The following CDIN1 variants were observed in gnomAD, a reference collection of about 807,000 sequenced individuals.
The protein encoded by CDIN1 is CDAN1 interacting nuclease 1, also known as CDAN1-interacting nuclease 1.
A neutral mutation model predicts 45.3 loss-of-function variants in CDIN1; 33 were observed. That is an observed-to-expected ratio of 0.73 (90% CI 0.55 to 0.97). The LOEUF (loss-of-function observed/expected upper bound fraction) is 0.97, where lower values mean the gene tolerates loss of function less well. Among genes scored for constraint, CDIN1 ranks in the 50% least tolerant of loss-of-function variants. The pLI, the probability that CDIN1 is intolerant of heterozygous loss-of-function variation, is 0.00. For missense variants in CDIN1, 303 were observed against 339.4 expected (o/e 0.89, Z 0.84); for synonymous variants, 118 against 124.4 (o/e 0.95, Z 0.34).
intron 7 of CDIN1, among the ~76,000 whole-genome samples, chr15:36,696,055 G>A (rs960031004): frequency 6.6e-6 from 1 of 152,030 alleles, no homozygotes; most frequent in African/African-American, 2.4e-5. Context: ...TATCTTATTT[G>A]CCACTCATTA....
At chr15:36,705,709 G>A (rs934608906) in intron 8 of CDIN1, 1 of 152,054 alleles carries the variant, frequency 6.6e-6, no homozygotes, top group African/African-American at 2.4e-5. Context: ...TATTAATTTT[G>A]ATAATGAGCA....
At chr15:36,751,229 T>TATTTATATA (rs1555404178) in intron 10 of CDIN1, among the ~76,000 whole-genome samples, 1 of 97,612 alleles carries the variant, frequency 1.0e-5, no homozygotes, top group Admixed American at 1.1e-4. Context: ...TATGCTTATT[T>TATTTATATA]TATATATATA....
At chr15:36,677,970 C>G (rs1344957688) in intron 5 of CDIN1, among the ~76,000 whole-genome samples, 1 of 152,198 alleles carries the variant, frequency 6.6e-6, no homozygotes, top group Non-Finnish European at 1.5e-5. Flanking sequence ...AGGTTCCGAT[C>G]AGTCTGAACA....
At chr15:36,648,399 T>G (rs2040431495) in intron 3 of CDIN1, among the ~76,000 whole-genome samples, 1 of 151,676 alleles carries the variant, frequency 6.6e-6, no homozygotes, top group Admixed American at 6.6e-5. Context: ...ATTATTCCTT[T>G]GTCGAGCATA....
intron 10 of CDIN1, among the ~76,000 whole-genome samples, chr15:36,801,870 T>G (rs891585428): frequency 6.6e-6 from 1 of 152,334 alleles, no homozygotes; most frequent in South Asian, 2.1e-4. Context: ...TGGTGATACT[T>G]AAATTGAAAT....
intron 1 of CDIN1, chr15:36,641,722 G>A (rs1360068160): frequency 6.7e-6 from 1 of 149,834 alleles, no homozygotes; most frequent in Non-Finnish European, 1.5e-5. Flanking sequence ...CTGATTTTTT[G>A]CCTTTTTTAT....
chr15:36,654,007 A>G, intron 3 of CDIN1, 91 bp from the exon 4 acceptor site: 1 of 925,352 alleles, frequency 1.1e-6, no homozygotes, highest in South Asian at 1.5e-5. Context: ...GCATTTGTCC[A>G]GGAGAAACAT....
intron 1 of CDIN1, among the ~76,000 whole-genome samples, chr15:36,621,988 A>G (rs1566841008): frequency 6.6e-6 from 1 of 151,932 alleles, no homozygotes; most frequent in Non-Finnish European, 1.5e-5. Flanking sequence ...AATTAGCCTC[A>G]TGGTGAATGT....
At chr15:36,784,495 G>A (rs1270667523) in intron 10 of CDIN1, among the ~76,000 whole-genome samples, 1 of 152,180 alleles carries the variant, frequency 6.6e-6, no homozygotes, top group Non-Finnish European at 1.5e-5. Flanking sequence ...AGTTTAAAAG[G>A]TGTAATAATC....
chr15:36,581,118 AC>A (rs1182803369), intron 1 of CDIN1, among the ~76,000 whole-genome samples: 1 of 152,202 alleles, frequency 6.6e-6, no homozygotes, highest in Non-Finnish European at 1.5e-5. Flanking sequence ...CTAAGAAGGA[AC>A]AAAATTGACA....
chr15:36,657,416 A>G (rs2040821859), intron 4 of CDIN1, among the ~76,000 whole-genome samples: 1 of 152,146 alleles, frequency 6.6e-6, no homozygotes, highest in Non-Finnish European at 1.5e-5. Flanking sequence ...GTCACTAAAT[A>G]ACAAAAAGGG....
intron 5 of CDIN1, among the ~76,000 whole-genome samples, chr15:36,680,215 G>A (rs537644673): frequency 6.6e-6 from 1 of 152,294 alleles, no homozygotes; most frequent in East Asian, 1.9e-4. Context: ...GTCCTTAGTA[G>A]TAGTTTAGGT....
intron 1 of CDIN1, among the ~76,000 whole-genome samples, chr15:36,633,608 T>C (rs754347772): frequency 1.1e-4 from 17 of 152,138 alleles, no homozygotes; most frequent in Non-Finnish European, 1.8e-4. Context: ...TAGCTATTCT[T>C]ATGTATTCTT....
At chr15:36,707,286 A>G (rs952093823) in intron 8 of CDIN1, 1 of 152,094 alleles carries the variant, frequency 6.6e-6, no homozygotes, top group African/African-American at 2.4e-5. Flanking sequence ...AGAGAGAAAG[A>G]GTGAGAGGGA....
intron 1 of CDIN1, chr15:36,613,900 A>C: frequency 6.4e-7 from 1 of 1,556,168 alleles, no homozygotes; most frequent in Non-Finnish European, 8.8e-7. Context: ...TGGAACGCAC[A>C]GAGAATGAGC....
At chr15:36,783,561 T>C (rs992633387) in intron 10 of CDIN1, among the ~76,000 whole-genome samples, 4 of 152,160 alleles carry the variant, frequency 2.6e-5, no homozygotes, top group African/African-American at 9.7e-5. Context: ...CATTATTTTT[T>C]AAATTGTTTC....
chr15:36,787,104 GTTTTGT>G (rs1211371899), intron 10 of CDIN1, among the ~76,000 whole-genome samples: 2 of 152,076 alleles, frequency 1.3e-5, no homozygotes, highest in Admixed American at 6.6e-5. Context: ...TTCAATCTTT[GTTTTGT>G]TTTTATTTTT....
chr15:36,650,233 G>A (rs1045057955), intron 3 of CDIN1, among the ~76,000 whole-genome samples: 11 of 152,126 alleles, frequency 7.2e-5, no homozygotes, highest in African/African-American at 2.2e-4. Flanking sequence ...CAATTTAGGC[G>A]GACCTAAACA....
At chr15:36,758,260 A>G (rs1029947996) in intron 10 of CDIN1, among the ~76,000 whole-genome samples, 1 of 151,984 alleles carries the variant, frequency 6.6e-6, no homozygotes, top group Non-Finnish European at 1.5e-5. Context: ...TACACCCTCT[A>G]CCTCCAAAGC....
Sources: allele counts gnomAD v4.1 joint callset (sites outside exome capture counted in the v4.1 genomes callset), GRCh38; gene constraint gnomAD v4.1.1; transcripts MANE v1.5; gene names NCBI Gene and HGNC (gene_info 2026-07-23, HGNC 2026-07-21).